EPB41L4A: variants seen among roughly 807,000 people sequenced by gnomAD.
EPB41L4A encodes the protein band 4.1-like protein 4A.
EPB41L4A carries 100 observed loss-of-function variants against 108.6 expected under a neutral mutation model. That is an observed-to-expected ratio of 0.92 (90% CI 0.78 to 1.09). The LOEUF is 1.09. Among genes scored for constraint, EPB41L4A ranks in the 50% least tolerant of loss-of-function variants. The pLI, the probability that EPB41L4A is intolerant of heterozygous loss-of-function variation, is 0.00. For missense variants in EPB41L4A, 1,030 were observed against 842.7 expected, an observed-to-expected ratio of 1.22 and a Z score of -2.75; for synonymous variants, 319 against 289.0, an observed-to-expected ratio of 1.10 and a Z score of -1.05.
intron 1 of EPB41L4A, among the ~76,000 whole-genome samples, chr5:112,385,268 G>T (rs966831101): frequency 6.6e-6 from 1 of 152,018 alleles, no homozygotes; most frequent in Non-Finnish European, 1.5e-5. Flanking sequence ...TTGGGGACCC[G>T]GAAAGAAACA....
At chr5:112,273,952 T>A (rs1252670546) in intron 4 of EPB41L4A, among the ~76,000 whole-genome samples, 1 of 151,964 alleles carries the variant, frequency 6.6e-6, no homozygotes, top group Admixed American at 6.6e-5. Flanking sequence ...TCATTAACAA[T>A]GTGATAATGA....
chr5:112,158,887 A>T (rs75330993), downstream of EPB41L4A, among the ~76,000 whole-genome samples: 1,481 of 152,296 alleles, frequency 9.7e-3, 24 homozygotes, highest in African/African-American at 0.033. Flanking sequence ...AAAACATGTC[A>T]CTGACTTTCC....
At chr5:112,249,249 C>T (rs1750469759) in intron 9 of EPB41L4A, 1 of 152,112 alleles carries the variant, frequency 6.6e-6, no homozygotes, top group Non-Finnish European at 1.5e-5. Context: ...TCTTTCTATC[C>T]AATCCACACA....
At chr5:112,388,031 A>T (rs917424605) in intron 1 of EPB41L4A, among the ~76,000 whole-genome samples, 2 of 152,174 alleles carry the variant, frequency 1.3e-5, no homozygotes, top group Non-Finnish European at 2.9e-5. Context: ...CCAAACCCCA[A>T]AAGTTCCTCT....
intron 1 of EPB41L4A, among the ~76,000 whole-genome samples, chr5:112,310,748 T>C (rs2150588015): frequency 6.6e-6 from 1 of 152,274 alleles, no homozygotes; most frequent in East Asian, 1.9e-4. Flanking sequence ...TGGGTACATA[T>C]CAAACCTTCT....
At chr5:112,345,065 C>T (rs1271347283) in intron 1 of EPB41L4A, among the ~76,000 whole-genome samples, 1 of 152,198 alleles carries the variant, frequency 6.6e-6, no homozygotes, top group African/African-American at 2.4e-5. Flanking sequence ...AAGGCACTCA[C>T]ATATTATAAT....
intron 15 of EPB41L4A, among the ~76,000 whole-genome samples, chr5:112,202,669 A>G (rs1762274801): frequency 6.6e-6 from 1 of 152,148 alleles, no homozygotes; most frequent in African/African-American, 2.4e-5. Context: ...TGAAGGTAAT[A>G]TAGACCCTTC....
chr5:112,195,838 G>A (rs966602464), intron 15 of EPB41L4A, 130 bp from the exon 16 acceptor site: 28 of 765,116 alleles, frequency 3.7e-5, no homozygotes, highest in Admixed American at 2.4e-4. Context: ...AAACATTTAC[G>A]TCATATGTAT....
chr5:112,322,180 C>T (rs2150627971), intron 1 of EPB41L4A, among the ~76,000 whole-genome samples: 1 of 152,320 alleles, frequency 6.6e-6, no homozygotes, highest in South Asian at 2.1e-4. Flanking sequence ...AGCACTGCAT[C>T]TTCTCATAAA....
chr5:112,324,349 G>A (rs930982921), intron 1 of EPB41L4A, among the ~76,000 whole-genome samples: 12 of 152,244 alleles, frequency 7.9e-5, no homozygotes, highest in Middle Eastern at 3.4e-3. Flanking sequence ...TTTTTTAAAA[G>A]GTAGGAAATT....
At chr5:112,364,537 G>C (rs369589099) in intron 1 of EPB41L4A, among the ~76,000 whole-genome samples, 1 of 152,122 alleles carries the variant, frequency 6.6e-6, no homozygotes, top group African/African-American at 2.4e-5. Flanking sequence ...ATAAATACTT[G>C]TATTCTAATG....
intron 1 of EPB41L4A, among the ~76,000 whole-genome samples, chr5:112,339,668 G>A (rs147750049): frequency 0.013 from 1,898 of 151,358 alleles, 22 homozygotes; most frequent in Non-Finnish European, 0.021. Context: ...TGAGTACCTG[G>A]GATTACAGGC....
intron 1 of EPB41L4A, among the ~76,000 whole-genome samples, chr5:112,375,878 T>A (rs1413137524): frequency 6.6e-6 from 1 of 152,174 alleles, no homozygotes; most frequent in Admixed American, 6.5e-5. Flanking sequence ...AAGACAAGAA[T>A]CCTTAGAGAG....
chr5:112,186,898 C>T (rs913704632), intron 17 of EPB41L4A, among the ~76,000 whole-genome samples: 2 of 152,160 alleles, frequency 1.3e-5, no homozygotes, highest in African/African-American at 4.8e-5. Context: ...GCAGGAGTAA[C>T]TATTTTGTTT....
intron 1 of EPB41L4A, among the ~76,000 whole-genome samples, chr5:112,349,967 C>T (rs1029266777): frequency 6.6e-6 from 1 of 152,144 alleles, no homozygotes; most frequent in African/African-American, 2.4e-5. Context: ...GGGGCGAAGA[C>T]GACGACAGTG....
intron 18 of EPB41L4A, among the ~76,000 whole-genome samples, chr5:112,173,058 G>A (rs986638213): frequency 2.0e-5 from 3 of 152,148 alleles, no homozygotes; most frequent in African/African-American, 7.2e-5. Flanking sequence ...GCCCCCAGTT[G>A]GAAAACCACT....
intron 1 of EPB41L4A, among the ~76,000 whole-genome samples, chr5:112,359,868 T>G (rs1244735893): frequency 1.3e-5 from 2 of 152,220 alleles, no homozygotes; most frequent in Non-Finnish European, 2.9e-5. Context: ...ATTTTAAAGG[T>G]AAGTTATCTA....
chr5:112,240,436 T>C (rs937913599), intron 10 of EPB41L4A, among the ~76,000 whole-genome samples: 9 of 152,220 alleles, frequency 5.9e-5, no homozygotes, highest in African/African-American at 1.7e-4. Context: ...GTGCTAGCAA[T>C]GGCTGCATGT....
chr5:112,144,032 T>G (rs1025361803), intron 13 of EPB41L4A, among the ~76,000 whole-genome samples: 4 of 152,214 alleles, frequency 2.6e-5, no homozygotes, highest in African/African-American at 9.6e-5. Flanking sequence ...TATAGTCCAC[T>G]AAGGCAGAAA....
Sources: allele counts gnomAD v4.1 joint callset (sites outside exome capture counted in the v4.1 genomes callset), GRCh38; gene constraint gnomAD v4.1.1; transcripts MANE v1.5; gene names NCBI Gene and HGNC (gene_info 2026-07-23, HGNC 2026-07-21).